The following METTL2A variants were observed in gnomAD, a reference collection of about 807,000 sequenced individuals.
METTL2A encodes tRNA N(3)-cytidine methyltransferase METTL2A.
A neutral mutation model predicts 49.4 loss-of-function variants in METTL2A; 45 were observed. That is an observed-to-expected ratio of 0.91 (90% CI 0.72 to 1.17). The LOEUF (loss-of-function observed/expected upper bound fraction) is 1.17, where lower values mean the gene tolerates loss of function less well. Ranked by LOEUF, METTL2A falls within the 50% of genes most tolerant of loss-of-function variation. The pLI is 0.00. For missense variants in METTL2A, 361 were observed against 462.2 expected (o/e 0.78, Z 2.01); for synonymous variants, 118 against 167.5 (o/e 0.70, Z 2.28).
At chr17:62,440,794 G>A (rs1370109769) in intron 6 of METTL2A, 38 bp downstream of exon 6, 1 of 1,596,286 alleles carries the variant, frequency 6.3e-7, no homozygotes, top group Admixed American at 1.8e-5. Context: ...GTCACAAAAA[G>A]GAAGCTTTGG....
At chr17:62,444,308 GT>G (rs2070754962) in intron 6 of METTL2A, among the ~76,000 whole-genome samples, 1 of 152,202 alleles carries the variant, frequency 6.6e-6, no homozygotes. Flanking sequence ...CAAAGTCTCA[GT>G]TACTCTGCGG....
chr17:62,432,669 G>A (rs1455533040), intron 4 of METTL2A, among the ~76,000 whole-genome samples: 1 of 152,188 alleles, frequency 6.6e-6, no homozygotes, highest in African/African-American at 2.4e-5. Flanking sequence ...GGGCATGGTG[G>A]CAGGCACCTG....
chr17:62,434,762 G>C, intron 4 of METTL2A: 1 of 170,362 alleles, frequency 5.9e-6, no homozygotes, highest in East Asian at 1.4e-4. Flanking sequence ...CCAATGCATA[G>C]TGGGCTCTCA....
chr17:62,445,114 C>T (rs540592315), intron 7 of METTL2A, among the ~76,000 whole-genome samples, 171 bp downstream of exon 7: 9 of 76,146 alleles, frequency 1.2e-4, no homozygotes, highest in Admixed American at 8.5e-4. Flanking sequence ...GGACACGGGG[C>T]GGGGGGCATC....
In METTL2A at chr17:62,451,535, G is replaced by A. The variant is rs1375782353; in HGVS notation, c.*2806G>A. 6.6e-6 allele frequency among the ~76,000 whole-genome samples: 1 copy of A among 151,364 alleles called. No individual in the cohort carries two copies. The highest frequency in any genetic ancestry group is 1.5e-5 in the Non-Finnish European group (1 of 67,790). ...CCCAGCACTTTGGGAGGCCAAGGTG[G>A]GCGGATCATTTGAGGTCGGGAGTTC... On this transcript the variant is annotated 3_prime_UTR_variant, in exon 9 of 9. Coordinates refer to ENST00000311506, the MANE Select transcript of METTL2A (RefSeq NM_181725.4).
chr17:62,433,406 G>A (rs762203552), intron 4 of METTL2A, among the ~76,000 whole-genome samples: 22 of 151,232 alleles, frequency 1.5e-4, no homozygotes, highest in Non-Finnish European at 2.4e-4. Flanking sequence ...GCACTCCAGC[G>A]TGGGTGACAA....
intron 6 of METTL2A, among the ~76,000 whole-genome samples, chr17:62,442,089 T>C (rs1317825219): frequency 6.6e-6 from 1 of 152,084 alleles, no homozygotes; most frequent in East Asian, 1.9e-4. Flanking sequence ...AAAACAACCT[T>C]ATTAGCAACA....
Position 62,448,624 on chromosome 17 carries a change from C to A in METTL2A, c.1032C>A (p.Asn344Lys). 1 of 1,614,186 alleles carries A rather than the reference C, an allele frequency of 6.2e-7. No homozygotes were observed. Among genetic ancestry groups the A allele is most frequent in the South Asian group, 1.1e-5 (1 of 91,090 alleles). The change falls in exon 9 of 9, where the codon AAC becomes AAA. Residue 344 changes from asparagine (N) to lysine (K), a missense_variant. Coordinates refer to ENST00000311506, the MANE Select transcript of METTL2A (RefSeq NM_181725.4). ...CTGCTGGACTGGAAAAAGTTCAGAA[C>A]CTGGTGGATCGCCGACTGCAGGTGA... ...FTTAGLEKVQ[N>K]LVDRRLQVNR...
At chr17:62,443,432 C>T (rs1044294981) in intron 6 of METTL2A, among the ~76,000 whole-genome samples, 19 of 152,108 alleles carry the variant, frequency 1.2e-4, no homozygotes, top group Non-Finnish European at 2.4e-4. Flanking sequence ...TAAAAATTGA[C>T]ATGGACTAAA....
intron 5 of METTL2A, among the ~76,000 whole-genome samples, chr17:62,438,973 ATTTTTTT>A (rs1167283450): frequency 0.028 from 2,666 of 93,604 alleles, 121 homozygotes; most frequent in African/African-American, 0.11. Context: ...CACTTGGCTA[ATTTTTTT>A]TTTTTTTTTT....
Position 62,450,247 on chromosome 17 carries a change from CTTTTTTTTTTTTT to C in METTL2A, c.*1535_*1547del, listed in dbSNP as rs34417908. 7.4e-5 allele frequency: 6 copies of C among 80,540 alleles called. No homozygotes were observed. Among genetic ancestry groups the C allele is most frequent in the African/African-American group, 3.1e-4 (5 of 15,966 alleles). The allele number at this position is 80,540 out of a possible 1,614,324, so 5.0% of individuals were successfully genotyped here. On this transcript the variant is annotated 3_prime_UTR_variant, in exon 9 of 9. Transcript: ENST00000311506. ...TGTGATCATTATCAGTGTTAGATGC[CTTTTTTTTTTTTT>C]TTTTTTTTTTTTTTTTAAGGAGACA...
intron 5 of METTL2A, among the ~76,000 whole-genome samples, chr17:62,439,609 A>G (rs1367893411): frequency 6.8e-6 from 1 of 147,214 alleles, no homozygotes; most frequent in Non-Finnish European, 1.5e-5. Flanking sequence ...AATTTTTTGT[A>G]TTTTTAGTGG....
Position 62,448,828 on chromosome 17 carries a change from G to A in METTL2A, c.*99G>A. The stretch of plus-strand genomic sequence containing the variant: ...GGCGTGGTGCATGCCTGTAATCCCA[G>A]CCACTCAGGAGGCTGAGGCGGGGAG... On this transcript the variant is annotated 3_prime_UTR_variant, in exon 9 of 9. Coordinates refer to ENST00000311506, the MANE Select transcript of METTL2A (RefSeq NM_181725.4). 6.5e-7 allele frequency: 1 copy of A among 1,532,328 alleles called. No homozygotes were observed. The highest frequency in any genetic ancestry group is 2.3e-5 in the East Asian group (1 of 43,690). The allele number at this position is 1,532,328 out of a possible 1,614,324, so 94.9% of individuals were successfully genotyped here.
intron 7 of METTL2A, among the ~76,000 whole-genome samples, chr17:62,446,152 T>C (rs944874428): frequency 6.6e-6 from 1 of 151,666 alleles, no homozygotes; most frequent in African/African-American, 2.4e-5. Context: ...AAAAAGAAAT[T>C]GTTACAGCCT....
chr17:62,452,816 C>T lies in METTL2A; in HGVS notation c.*4087C>T, dbSNP rs935963945. On this transcript the variant is annotated 3_prime_UTR_variant, in exon 9 of 9. Transcript: ENST00000311506. ...GTAGAGACAGGGTTTCATCATGTGT[C>T]CCAGGCTGGTCTTGAACTCCTGAGC... 6.6e-6 allele frequency among the ~76,000 whole-genome samples: 1 copy of T among 152,070 alleles called. No homozygotes were observed. The highest frequency in any genetic ancestry group is 2.4e-5 in the African/African-American group (1 of 41,412).
intron 5 of METTL2A, among the ~76,000 whole-genome samples, chr17:62,439,232 C>T (rs1326013823): frequency 6.6e-6 from 1 of 151,560 alleles, no homozygotes; most frequent in Admixed American, 6.6e-5. Context: ...CCTCCCACCT[C>T]GACCTCCCAA....
chr17:62,448,824 C>A lies in METTL2A; in HGVS notation c.*95C>A. 6.5e-7 allele frequency: 1 copy of A among 1,537,442 alleles called. No homozygotes were observed. Among genetic ancestry groups the A allele is most frequent in the South Asian group, 1.3e-5 (1 of 76,770 alleles). On this transcript the variant is annotated 3_prime_UTR_variant, in exon 9 of 9. Coordinates refer to ENST00000311506, the MANE Select transcript of METTL2A (RefSeq NM_181725.4). ...ACTGGGCGTGGTGCATGCCTGTAAT[C>A]CCAGCCACTCAGGAGGCTGAGGCGG... is the stretch of plus-strand genomic sequence containing the variant.
In METTL2A at chr17:62,433,645, C is replaced by T. The variant is rs186616569; in HGVS notation, c.609-1587C>T. On this transcript the variant is annotated intron_variant, in intron 4 of 8. Coordinates refer to ENST00000311506, the MANE Select transcript of METTL2A (RefSeq NM_181725.4). ...GTTCCAGCTACTCAGGAGGCTGAGGCCAGAGAATCACTTGAACCTGGGAGG... is the reference window on the plus strand; with the variant it reads ...GTTCCAGCTACTCAGGAGGCTGAGGTCAGAGAATCACTTGAACCTGGGAGG... Among the ~76,000 whole-genome samples the T allele has an allele frequency of 3.4e-4, 51 of 150,772 alleles. 1 individual carries two copies. Among genetic ancestry groups the T allele is most frequent in the African/African-American group, 1.2e-3 (51 of 41,034 alleles).
chr17:62,443,511 G>A (rs1056558327), intron 6 of METTL2A, among the ~76,000 whole-genome samples: 4 of 152,226 alleles, frequency 2.6e-5, no homozygotes, highest in African/African-American at 9.6e-5. Flanking sequence ...GCTACCTAGA[G>A]ACTGAGGCAG....
Sources: gnomAD v4.1 joint callset for allele counts (sites outside exome capture counted in the v4.1 genomes callset) on GRCh38, gnomAD v4.1.1 for gene constraint, MANE v1.5 for transcripts, NCBI Gene and HGNC (gene_info 2026-07-23, HGNC 2026-07-21) for gene names.